NETO2: variants seen among roughly 807,000 people sequenced by gnomAD.
The protein encoded by NETO2 is neuropilin and tolloid-like protein 2.
Under a neutral mutation model 62.5 loss-of-function variants are expected in NETO2, and 28 were observed. The ratio of observed to expected loss-of-function variants is 0.45; its 90% CI spans 0.33 to 0.61. The LOEUF (loss-of-function observed/expected upper bound fraction) is 0.61, where lower values mean the gene tolerates loss of function less well. Ranked by LOEUF, NETO2 falls within the 20% of genes least tolerant of loss-of-function variation. The pLI, the probability that NETO2 is intolerant of heterozygous loss-of-function variation, is 0.02. For missense variants in NETO2, 548 were observed against 643.2 expected, an observed-to-expected ratio of 0.85 and a Z score of 1.60; for synonymous variants, 214 against 219.1, an observed-to-expected ratio of 0.98 and a Z score of 0.21.
intron 8 of NETO2, among the ~76,000 whole-genome samples, chr16:47,084,469 C>T (rs1963141882): frequency 6.6e-6 from 1 of 152,184 alleles, no homozygotes; most frequent in African/African-American, 2.4e-5. Flanking sequence ...CCCCATCACT[C>T]GCATTACCCG....
chr16:47,117,095 G>A (rs768384554), intron 6 of NETO2, among the ~76,000 whole-genome samples: 8 of 152,014 alleles, frequency 5.3e-5, no homozygotes, highest in Non-Finnish European at 1.2e-4. Context: ...TTTATAGCAA[G>A]TGCATAGGTG....
At chr16:47,130,828 T>C (rs1054909886) in intron 2 of NETO2, among the ~76,000 whole-genome samples, 3 of 152,006 alleles carry the variant, frequency 2.0e-5, no homozygotes, top group African/African-American at 7.2e-5. Context: ...ATTTGAAGAG[T>C]TGCTTCAGAG....
At chr16:47,100,975 C>T (rs2143858907) in intron 7 of NETO2, among the ~76,000 whole-genome samples, 1 of 152,296 alleles carries the variant, frequency 6.6e-6, no homozygotes, top group African/African-American at 2.4e-5. Flanking sequence ...ATCCTGGTAA[C>T]AAAACCTGGC....
chr16:47,118,853 CA>C (rs1963976582), intron 6 of NETO2, among the ~76,000 whole-genome samples: 3 of 152,128 alleles, frequency 2.0e-5, no homozygotes, highest in Admixed American at 1.3e-4. Flanking sequence ...ATCCTATTAT[CA>C]AACCAAACAA....
chr16:47,128,204 A>T, intron 4 of NETO2, 121 bp downstream of exon 4: 1 of 1,255,124 alleles, frequency 8.0e-7, no homozygotes, highest in Non-Finnish European at 1.1e-6. Flanking sequence ...TGACTTTGCT[A>T]ATTTGTTTAA....
At chr16:47,127,824 C>T (rs1964187616) in intron 4 of NETO2, among the ~76,000 whole-genome samples, 1 of 152,202 alleles carries the variant, frequency 6.6e-6, no homozygotes, top group South Asian at 2.1e-4. Context: ...AATCGTCTTA[C>T]AGCTATTAGG....
At chr16:47,133,604 C>CATAAAATAAAATAAAATAAAATAAA (rs138640228) in intron 1 of NETO2, among the ~76,000 whole-genome samples, 152 of 135,818 alleles carry the variant, frequency 1.1e-3, no homozygotes, top group African/African-American at 3.8e-3. Context: ...AATGACATAA[C>CATAAAATAAAATAAAATAAAATAAA]ATAAAATAAA....
chr16:47,132,760 G>C (rs547987433), intron 1 of NETO2, among the ~76,000 whole-genome samples: 2 of 152,310 alleles, frequency 1.3e-5, no homozygotes, highest in Admixed American at 6.5e-5. Context: ...TTCATTCAGT[G>C]AATAGGCACT....
At position 47,079,268 on chromosome 16, in the gene NETO2, GAGA is replaced by G. The variant is rs1397559672; in HGVS notation, c.*3950_*3952del. The G allele has an allele frequency of 6.7e-6, 1 of 149,462 alleles. No individual in the cohort carries two copies. Among genetic ancestry groups the G allele is most frequent in the African/African-American group, 2.5e-5 (1 of 40,272 alleles). 9.3% of individuals were successfully genotyped at this position (149,462 alleles called of 1,614,324 possible). A position where few individuals can be genotyped will look rare whatever the true frequency, so the allele number is the denominator to read the frequency against. ...TGCACTCTAGCCTGGGTGACAGAGC[GAGA>G]CTCTGTCTCAAAAAACAAAAAAACA... On this transcript the variant is annotated 3_prime_UTR_variant, in exon 9 of 9. Transcript: ENST00000562435.
chr16:47,079,760 C>G lies in NETO2; in HGVS notation c.*3461G>C, dbSNP rs1963030172. 1 of 152,132 alleles carries G rather than the reference C, an allele frequency of 6.6e-6. No homozygotes were observed. Among genetic ancestry groups the G allele is most frequent in the Non-Finnish European group, 1.5e-5 (1 of 68,038 alleles). 9.4% of individuals were successfully genotyped at this position (152,132 alleles called of 1,614,324 possible). On this transcript the variant is annotated 3_prime_UTR_variant, in exon 9 of 9. Coordinates refer to ENST00000562435, the MANE Select transcript of NETO2 (RefSeq NM_018092.5). ...CCTTCTGGGTCTAATCAGTGTGATT[C>G]AAGGCATATTATTTTTAATGTCATA...
Position 47,083,289 on chromosome 16 carries a change from TCTC to T in NETO2, c.1507_1509del (p.Glu503del). The stretch of plus-strand genomic sequence containing the variant: ...CCCCTGACATAAATTTCACAGGGAA[TCTC>T]CTCCATTACTCGGTCTTCCAGGGCC... On this transcript the variant is annotated inframe_deletion, in exon 9 of 9. Coordinates refer to ENST00000562435, the MANE Select transcript of NETO2 (RefSeq NM_018092.5). 6.2e-7 allele frequency: 1 copy of T among 1,614,192 alleles called. No individual in the cohort carries two copies. Among genetic ancestry groups the T allele is most frequent in the Non-Finnish European group, 8.5e-7 (1 of 1,180,006 alleles).
In NETO2 at chr16:47,143,716, GC is replaced by G. The variant is rs1964515273; in HGVS notation, c.-105del. 8.4e-7 allele frequency: 1 copy of G among 1,196,608 alleles called. No homozygotes were observed. The highest frequency in any genetic ancestry group is 4.4e-5 in the Admixed American group (1 of 22,804). The allele number at this position is 1,196,608 out of a possible 1,614,324, so 74.1% of individuals were successfully genotyped here. On this transcript the variant is annotated 5_prime_UTR_variant, in exon 1 of 9. Coordinates refer to ENST00000562435, the MANE Select transcript of NETO2 (RefSeq NM_018092.5). Reference sequence around the variant, plus strand: ...GCGACGGCCCCACTCCGTCCCCATCGCCGGCCAGCAGCTGCCTCCCCGCTCC... The same window carrying G: ...GCGACGGCCCCACTCCGTCCCCATCGCGGCCAGCAGCTGCCTCCCCGCTCC...
At chr16:47,096,625 C>G (rs928078067) in intron 7 of NETO2, among the ~76,000 whole-genome samples, 3 of 152,076 alleles carry the variant, frequency 2.0e-5, no homozygotes, top group Non-Finnish European at 4.4e-5. Flanking sequence ...CTAAAACTAG[C>G]AAGGAGATTA....
intron 7 of NETO2, among the ~76,000 whole-genome samples, chr16:47,102,513 C>T (rs906670106): frequency 4.7e-5 from 7 of 150,514 alleles, no homozygotes; most frequent in East Asian, 1.9e-4. Context: ...CCTACAGAAT[C>T]GGAGAAAATT....
At chr16:47,123,155 C>CA (rs1252693709) in intron 4 of NETO2, among the ~76,000 whole-genome samples, 3 of 152,188 alleles carry the variant, frequency 2.0e-5, no homozygotes, top group Non-Finnish European at 2.9e-5. Context: ...CATCAACTGT[C>CA]AGAGTTGAAC....
At chr16:47,132,748 T>A (rs1479624457) in intron 1 of NETO2, among the ~76,000 whole-genome samples, 2 of 152,174 alleles carry the variant, frequency 1.3e-5, no homozygotes, top group African/African-American at 4.8e-5. Flanking sequence ...GAACTGGAGT[T>A]ATTCATTCAG....
chr16:47,086,999 C>T (rs571803691), intron 7 of NETO2, among the ~76,000 whole-genome samples: 3 of 151,410 alleles, frequency 2.0e-5, no homozygotes, highest in African/African-American at 2.4e-5. Context: ...GACAAAGCCA[C>T]ATATTTCACT....
At chr16:47,131,725 C>T (rs1964269690) in intron 2 of NETO2, among the ~76,000 whole-genome samples, 1 of 152,174 alleles carries the variant, frequency 6.6e-6, no homozygotes. Context: ...ACATAATCCA[C>T]AGTATGCTAG....
intron 6 of NETO2, among the ~76,000 whole-genome samples, chr16:47,120,335 G>C (rs1459337222): frequency 6.6e-6 from 1 of 151,902 alleles, no homozygotes; most frequent in East Asian, 1.9e-4. Context: ...TTATTACTTT[G>C]CAGAGAAACA....
Sources: gnomAD v4.1 joint callset for allele counts (sites outside exome capture counted in the v4.1 genomes callset) on GRCh38, gnomAD v4.1.1 for gene constraint, MANE v1.5 for transcripts, NCBI Gene and HGNC (gene_info 2026-07-23, HGNC 2026-07-21) for gene names.